Variants in GRIK1 observed in about 807,000 individuals in gnomAD.
GRIK1 encodes the protein glutamate receptor ionotropic, kainate 1.
Under a neutral mutation model 105.7 loss-of-function variants are expected in GRIK1, and 69 were observed. The observed-to-expected ratio is 0.65, with a 90% confidence interval of 0.54 to 0.80. The LOEUF (loss-of-function observed/expected upper bound fraction) is 0.80, where lower values mean the gene tolerates loss of function less well. Among genes scored for constraint, GRIK1 ranks in the 30% least tolerant of loss-of-function variants. GRIK1 has a pLI of 0.00. For missense variants in GRIK1, 1,109 were observed against 1,167.3 expected, an observed-to-expected ratio of 0.95 and a Z score of 0.73; for synonymous variants, 438 against 431.3, an observed-to-expected ratio of 1.02 and a Z score of -0.19.
chr21:29,611,434 A>G (rs564748002), intron 7 of GRIK1, among the ~76,000 whole-genome samples: 1 of 152,322 alleles, frequency 6.6e-6, no homozygotes, highest in African/African-American at 2.4e-5. Context: ...AACTAGATTT[A>G]CCATCCAGAT....
chr21:29,937,316 C>A (rs1185047715), intron 1 of GRIK1, among the ~76,000 whole-genome samples: 1 of 152,140 alleles, frequency 6.6e-6, no homozygotes, highest in Admixed American at 6.5e-5. Context: ...ACAGGACACT[C>A]CAGGCCAGAA....
intron 1 of GRIK1, among the ~76,000 whole-genome samples, chr21:29,848,399 G>A (rs980069767): frequency 2.6e-5 from 4 of 152,040 alleles, no homozygotes; most frequent in South Asian, 2.1e-4. Context: ...CTGTGCTTCC[G>A]GCCTCATGGC....
At chr21:29,702,383 G>A (rs1183878594) in intron 1 of GRIK1, among the ~76,000 whole-genome samples, 5 of 152,110 alleles carry the variant, frequency 3.3e-5, no homozygotes, top group Non-Finnish European at 5.9e-5. Flanking sequence ...GAGAGGTTGG[G>A]CCTAGAGATA....
At chr21:29,605,387 G>A (rs1253169675) in intron 7 of GRIK1, among the ~76,000 whole-genome samples, 1 of 152,116 alleles carries the variant, frequency 6.6e-6, no homozygotes, top group East Asian at 1.9e-4. Flanking sequence ...CCCTGCAAAG[G>A]ACATGATCTT....
chr21:29,752,594 G>A (rs1270914576), intron 1 of GRIK1, among the ~76,000 whole-genome samples: 1 of 152,150 alleles, frequency 6.6e-6, no homozygotes, highest in African/African-American at 2.4e-5. Context: ...GAGAGGCCGA[G>A]GTGGGAGGAT....
intron 1 of GRIK1, among the ~76,000 whole-genome samples, chr21:29,756,387 GA>G (rs1478558664): frequency 6.6e-6 from 1 of 151,876 alleles, no homozygotes; most frequent in African/African-American, 2.4e-5. Context: ...TCTCAAAAAA[GA>G]AAAAATAATG....
chr21:29,725,152 C>A (rs562045331), intron 1 of GRIK1, among the ~76,000 whole-genome samples: 7 of 152,126 alleles, frequency 4.6e-5, no homozygotes, highest in Non-Finnish European at 8.8e-5. Flanking sequence ...CAAGCGATTG[C>A]GAACAAGGTC....
chr21:29,632,502 C>T (rs1304258636), intron 7 of GRIK1, among the ~76,000 whole-genome samples: 2 of 123,000 alleles, frequency 1.6e-5, no homozygotes, highest in Non-Finnish European at 3.3e-5. Context: ...GAAATAGATA[C>T]AGACACAAAT....
intron 1 of GRIK1, among the ~76,000 whole-genome samples, chr21:29,767,780 A>C (rs1199942346): frequency 6.6e-6 from 1 of 151,752 alleles, no homozygotes; most frequent in African/African-American, 2.4e-5. Flanking sequence ...TTTTGGTTCA[A>C]GTTAATTTCT....
At chr21:29,698,631 A>G (rs2063756591) in intron 1 of GRIK1, among the ~76,000 whole-genome samples, 1 of 152,146 alleles carries the variant, frequency 6.6e-6, no homozygotes, top group Non-Finnish European at 1.5e-5. Context: ...GTCGTAGATC[A>G]GTTTGAGTCA....
chr21:29,797,124 T>C (rs2066580631), intron 1 of GRIK1, among the ~76,000 whole-genome samples: 1 of 152,154 alleles, frequency 6.6e-6, no homozygotes, highest in African/African-American at 2.4e-5. Context: ...CAAGACAGTG[T>C]CCTTACCTGC....
intron 14 of GRIK1, among the ~76,000 whole-genome samples, chr21:29,572,272 G>C (rs2090768484): frequency 6.6e-6 from 1 of 152,058 alleles, no homozygotes; most frequent in Non-Finnish European, 1.5e-5. Flanking sequence ...AAACTAAATC[G>C]GATTTAGTCC....
chr21:29,635,179 C>T (rs985986582), intron 7 of GRIK1, among the ~76,000 whole-genome samples: 3 of 152,112 alleles, frequency 2.0e-5, no homozygotes, highest in Admixed American at 6.6e-5. Flanking sequence ...CAGGCTCCAT[C>T]GTACTGTAAT....
intron 4 of GRIK1, among the ~76,000 whole-genome samples, chr21:29,661,485 G>C (rs1016150577): frequency 6.6e-6 from 1 of 152,136 alleles, no homozygotes; most frequent in East Asian, 1.9e-4. Flanking sequence ...TAGAAGGAGA[G>C]AGAAAGATGG....
chr21:29,854,407 A>G (rs2068399374), intron 1 of GRIK1, among the ~76,000 whole-genome samples: 1 of 152,132 alleles, frequency 6.6e-6, no homozygotes, highest in South Asian at 2.1e-4. Flanking sequence ...GGGGACAAAT[A>G]TCCAAATGAT....
intron 1 of GRIK1, among the ~76,000 whole-genome samples, chr21:29,839,875 T>G (rs1230131048): frequency 6.6e-6 from 1 of 152,298 alleles, no homozygotes; most frequent in East Asian, 1.9e-4. Flanking sequence ...AAGGTGATAG[T>G]TGACCTCAGT....
chr21:29,560,515 C>T (rs71314129), intron 15 of GRIK1, among the ~76,000 whole-genome samples: 34,548 of 49,698 alleles, frequency 0.7, 11,863 homozygotes, highest in Middle Eastern at 0.87. Context: ...TTCCTTCCTT[C>T]CTTCCTTTCT....
chr21:29,704,527 C>T (rs2063867984), intron 1 of GRIK1, among the ~76,000 whole-genome samples: 1 of 152,200 alleles, frequency 6.6e-6, no homozygotes, highest in African/African-American at 2.4e-5. Flanking sequence ...TCCTTCAGAG[C>T]TAAATGCAAT....
intron 3 of GRIK1, among the ~76,000 whole-genome samples, chr21:29,676,391 G>A (rs1274359424): frequency 6.6e-6 from 1 of 152,216 alleles, no homozygotes; most frequent in African/African-American, 2.4e-5. Context: ...AGCAAATGAT[G>A]GAGAATTTAC....
Sources: allele counts gnomAD v4.1 joint callset (sites outside exome capture counted in the v4.1 genomes callset), GRCh38; gene constraint gnomAD v4.1.1; transcripts MANE v1.5; gene names NCBI Gene and HGNC (gene_info 2026-07-23, HGNC 2026-07-21).